Variants in RBBP8NL observed in about 807,000 individuals in gnomAD.
RBBP8NL encodes RBBP8 N-terminal-like protein.
In RBBP8NL, 59 loss-of-function variants were observed where a neutral mutation model predicts 62.2. The observed-to-expected ratio is 0.95, with a 90% CI of 0.77 to 1.18. The LOEUF (loss-of-function observed/expected upper bound fraction) is 1.18. Among genes scored for constraint, RBBP8NL ranks in the 50% most tolerant of loss-of-function variants. RBBP8NL has a pLI of 0.00. For missense variants in RBBP8NL, 896 were observed against 899.5 expected (o/e 1.00, Z 0.05); for synonymous variants, 412 against 394.1 (o/e 1.05, Z -0.54).
rs373953870 is a variant in RBBP8NL at position 62,415,223 on chromosome 20, G to T, written c.692C>A (p.Ala231Asp). ...GGCGGGGCCTCGGTCGGCAGGGCAA[G>T]CCTGGGACCCAGGCCGCACCACGGC... ...TIAVVRPGSQ[A>D]CPADRGPANG... is the part of the protein sequence containing the mutation. The change falls in exon 9 of 14, where the codon GCT (alanine) becomes GAT (aspartate). Residue 231 changes from alanine (A) to aspartate (D), a missense_variant. Physicochemically the swap from Ala to Asp is moderately radical, Grantham distance 126. Coordinates refer to ENST00000252998, the MANE Select transcript of RBBP8NL (RefSeq NM_080833.3). 6.5e-7 allele frequency: 1 copy of T among 1,540,214 alleles called. No homozygotes were observed. The highest frequency in any genetic ancestry group is 8.7e-7 in the Non-Finnish European group (1 of 1,144,954).
At chr20:62,419,076 G>T (rs1988643553) in intron 2 of RBBP8NL, among the ~76,000 whole-genome samples, 1 of 152,150 alleles carries the variant, frequency 6.6e-6, no homozygotes, top group African/African-American at 2.4e-5. Flanking sequence ...GGGGCCTGGG[G>T]CGTGTCCTAG....
At chr20:62,426,719 C>T (rs914676053) in intron 1 of RBBP8NL, among the ~76,000 whole-genome samples, 11 of 152,236 alleles carry the variant, frequency 7.2e-5, no homozygotes, top group Admixed American at 1.3e-4. Flanking sequence ...GTGCACACAC[C>T]GCCGCAGGGC....
In RBBP8NL at chr20:62,414,180, C is replaced by G. The variant is rs745595632; in HGVS notation, c.1171G>C (p.Gly391Arg). ...PGEMLPSLPV[G>R]SDSEGPENEG... ...TTCTCAGGGCCCTCAGAGTCTGAGC[C>G]GACTGGTAGGGAGGGCAGCATCTCC... The change falls in exon 10 of 14, where the codon GGC (glycine) becomes CGC (arginine). Residue 391 changes from glycine to arginine, a missense_variant. Transcript: ENST00000252998. The G allele has an allele frequency of 2.5e-6, 4 of 1,609,538 alleles. No individual in the cohort carries two copies. In the East Asian group the frequency reaches 8.9e-5, roughly 36 times the overall value.
chr20:62,424,328 C>A (rs954309849), intron 1 of RBBP8NL, among the ~76,000 whole-genome samples: 1 of 152,050 alleles, frequency 6.6e-6, no homozygotes, highest in Non-Finnish European at 1.5e-5. Flanking sequence ...GCATGTCTGT[C>A]CCCCTCGACA....
Position 62,415,799 on chromosome 20 carries a change from A to G in RBBP8NL, c.533T>C (p.Leu178Pro), listed in dbSNP as rs755786491. ...GGTCCCCACAGCACCTTCTCCCCGT[A>G]GGCCCACGCCCTGGTGGTCTTCCTC... ...EAEEDHQGVG[L>P]RGEEKPAGHR... is the part of the protein sequence containing the mutation. Residue 178 changes from leucine to proline, a missense_variant, in exon 7 of 14, where the codon CTA (leucine) becomes CCA (proline). Leu to Pro is a moderately conservative substitution (Grantham distance 98, BLOSUM62 -3). Transcript: ENST00000252998. 3.7e-6 allele frequency: 6 copies of G among 1,612,054 alleles called. No homozygotes were observed. The highest frequency in any genetic ancestry group is 4.2e-6 in the Non-Finnish European group (5 of 1,179,850).
At chr20:62,417,442 C>G in intron 3 of RBBP8NL, 123 bp from the exon 4 acceptor site, 6 of 702,794 alleles carry the variant, frequency 8.5e-6, no homozygotes, top group Non-Finnish European at 1.2e-5. Flanking sequence ...GGGGCAACGC[C>G]TAACCCGGTG....
At chr20:62,415,464 G>T (rs1365683115) in intron 8 of RBBP8NL, 114 bp downstream of exon 8, 2 of 1,389,676 alleles carry the variant, frequency 1.4e-6, no homozygotes, top group Admixed American at 1.8e-5. Flanking sequence ...CAAAGGAGGG[G>T]CACATTCAGG....
In RBBP8NL at chr20:62,413,452, G is replaced by T; in HGVS notation, c.1624C>A (p.His542Asn). ...EDTGRPLPPP[H>N]PQPPPHPQPP... The stretch of plus-strand genomic sequence containing the variant: ...TGTGGGTGGGGAGGCGGCTGTGGGT[G>T]GGGAGGTGGCAGAGGCCTCCCTGTG... Residue 542 changes from histidine to asparagine, a missense_variant, in exon 11 of 14, where the codon CAC (histidine) becomes AAC (asparagine). Physicochemically the swap from His to Asn is moderately conservative, Grantham distance 68 (BLOSUM62 1). Coordinates refer to ENST00000252998, the MANE Select transcript of RBBP8NL (RefSeq NM_080833.3). The T allele has an allele frequency of 1.4e-6, 2 of 1,471,996 alleles. No individual in the cohort carries two copies. The highest frequency in any genetic ancestry group is 3.1e-5 in the South Asian group (2 of 65,484). The allele number at this position is 1,471,996 out of a possible 1,614,324, so 91.2% of individuals were successfully genotyped here. A position where few individuals can be genotyped will look rare whatever the true frequency, so the allele number is the denominator to read the frequency against.
intron 8 of RBBP8NL, 53 bp from the exon 9 acceptor site, chr20:62,415,340 GGCCTCTGCCATA>G (rs1988538576): frequency 1.1e-5 from 17 of 1,519,984 alleles, no homozygotes; most frequent in African/African-American, 5.5e-5. Context: ...CCTCTGCTGT[GGCCTCTGCCATA>G]GCCTCTGCTG....
chr20:62,422,186 G>C (rs1428271051), intron 1 of RBBP8NL, among the ~76,000 whole-genome samples: 3 of 152,224 alleles, frequency 2.0e-5, no homozygotes, highest in Non-Finnish European at 4.4e-5. Context: ...CCCAGCCCAA[G>C]TGGATCACAG....
intron 11 of RBBP8NL, 30 bp from the exon 12 acceptor site, chr20:62,412,930 A>G (rs1988468865): frequency 2.5e-6 from 4 of 1,610,934 alleles, no homozygotes; most frequent in African/African-American, 1.3e-5. Context: ...GGGTCAGGCC[A>G]GGCTGGTGGC....
intron 1 of RBBP8NL, among the ~76,000 whole-genome samples, chr20:62,420,373 C>CACACAT (rs1555892559): frequency 0.027 from 4,110 of 150,234 alleles, 195 homozygotes; most frequent in African/African-American, 0.097. Context: ...CACACACACA[C>CACACAT]ACACACACAC....
chr20:62,423,066 C>A (rs1208182305), intron 1 of RBBP8NL, among the ~76,000 whole-genome samples: 1 of 152,030 alleles, frequency 6.6e-6, no homozygotes, highest in Non-Finnish European at 1.5e-5. Context: ...GTGAAGGGGA[C>A]CAACAGGACG....
chr20:62,411,867 A>G (rs1988442263), intron 13 of RBBP8NL, among the ~76,000 whole-genome samples: 1 of 152,246 alleles, frequency 6.6e-6, no homozygotes, highest in Non-Finnish European at 1.5e-5. Flanking sequence ...GACGCAGGCC[A>G]TGGCCACCTG....
intron 1 of RBBP8NL, among the ~76,000 whole-genome samples, chr20:62,427,025 C>T (rs1030384637): frequency 6.6e-6 from 1 of 152,226 alleles, no homozygotes; most frequent in Non-Finnish European, 1.5e-5. Flanking sequence ...GTCCCCTGCT[C>T]AGTGCCCAGC....
In RBBP8NL at chr20:62,413,531, T is replaced by C; in HGVS notation, c.1545A>G (p.Pro515=). 6.6e-7 allele frequency: 1 copy of C among 1,521,482 alleles called. No homozygotes were observed. The highest frequency in any genetic ancestry group is 2.4e-5 in the East Asian group (1 of 41,056). 94.2% of individuals were successfully genotyped at this position (1,521,482 alleles called of 1,614,324 possible). ...EASTPMDPSR[P]LPGSQLSLSS... is the part of the protein sequence containing the mutation. ...ACAGGCTGAGCTGGGACCCTGGAAGTGGGCGTGAGGGGTCCTGGGGGGAGG... is the reference window on the plus strand; with the variant it reads ...ACAGGCTGAGCTGGGACCCTGGAAGCGGGCGTGAGGGGTCCTGGGGGGAGG... The change falls in exon 11 of 14, where the codon CCA becomes CCG. Residue 515 remains proline (P), a synonymous_variant. Transcript: ENST00000252998.
At chr20:62,417,011 C>T (rs942131024) in intron 4 of RBBP8NL, 139 bp from the exon 5 acceptor site, 15 of 755,542 alleles carry the variant, frequency 2.0e-5, no homozygotes, top group South Asian at 1.6e-4. Context: ...CTTCCCACCC[C>T]GTGGGCTAGG....
At position 62,414,200 on chromosome 20, in the gene RBBP8NL, A is replaced by G; in HGVS notation, c.1151T>C (p.Met384Thr). Residue 384 changes from methionine to threonine, a missense_variant, in exon 10 of 14, where the codon ATG becomes ACG. Transcript: ENST00000252998. ...TGAGCCGACTGGTAGGGAGGGCAGCATCTCCCCGGGTGTGGGCTGGCCCCT... is the reference window on the plus strand; with the variant it reads ...TGAGCCGACTGGTAGGGAGGGCAGCGTCTCCCCGGGTGTGGGCTGGCCCCT... The part of the protein sequence containing the change: ...RPRGQPTPGE[M>T]LPSLPVGSDS... The G allele has an allele frequency of 6.2e-7, 1 of 1,608,914 alleles. No homozygotes were observed. Among genetic ancestry groups the G allele is most frequent in the African/African-American group, 1.3e-5 (1 of 75,018 alleles).
At position 62,416,846 on chromosome 20, in the gene RBBP8NL, C is replaced by G; in HGVS notation, c.227G>C (p.Cys76Ser). The change falls in exon 5 of 14, where the codon TGC (cysteine) becomes TCC (serine). Residue 76 changes from cysteine (C) to serine (S), a missense_variant. Cys to Ser is a moderately radical substitution (Grantham distance 112). Transcript: ENST00000252998. ...NRLRAGLCDR[C>S]MVTQELARKR... Reference sequence around the variant, plus strand: ...CCTGGCCAGCTCCTGGGTGACCATGCAGCGGTCGCACAGGCCGGCCCGCAG... The same window carrying G: ...CCTGGCCAGCTCCTGGGTGACCATGGAGCGGTCGCACAGGCCGGCCCGCAG... 6.4e-7 allele frequency: 1 copy of G among 1,574,484 alleles called. No homozygotes were observed. The highest frequency in any genetic ancestry group is 8.6e-7 in the Non-Finnish European group (1 of 1,160,130).
Sources: gnomAD v4.1 joint callset for allele counts (sites outside exome capture counted in the v4.1 genomes callset) on GRCh38, gnomAD v4.1.1 for gene constraint, MANE v1.5 for transcripts, NCBI Gene and HGNC (gene_info 2026-07-23, HGNC 2026-07-21) for gene names.